MYOM1: variants seen among roughly 807,000 people sequenced by gnomAD.
MYOM1 encodes the protein myomesin-1.
Under a neutral mutation model 205.3 loss-of-function variants are expected in MYOM1, and 164 were observed. The observed-to-expected ratio is 0.80, with a 90% CI of 0.70 to 0.91. The LOEUF (loss-of-function observed/expected upper bound fraction) is 0.91, where lower values mean the gene tolerates loss of function less well. Ranked by LOEUF, MYOM1 falls within the 40% of genes least tolerant of loss-of-function variation. The pLI is 0.00. For missense variants in MYOM1, 2,011 were observed against 2,127.3 expected, an observed-to-expected ratio of 0.95 and a Z score of 1.08; for synonymous variants, 772 against 789.4, an observed-to-expected ratio of 0.98 and a Z score of 0.37.
intron 3 of MYOM1, among the ~76,000 whole-genome samples, chr18:3,193,361 T>TACATATATATATATACACACACAC (rs1598758731): frequency 3.4e-4 from 46 of 135,900 alleles, no homozygotes; most frequent in African/African-American, 1.3e-3. Flanking sequence ...TATATATATA[T>TACATATATATATATACACACACAC]ACACACACAC....
intron 33 of MYOM1, among the ~76,000 whole-genome samples, chr18:3,081,321 T>G (rs1041478950): frequency 3.9e-5 from 6 of 152,176 alleles, no homozygotes; most frequent in African/African-American, 1.4e-4. Flanking sequence ...GAAAATTAAA[T>G]GACCTGTCTA....
intron 19 of MYOM1, among the ~76,000 whole-genome samples, chr18:3,126,175 G>T (rs1180712228): frequency 6.7e-6 from 1 of 148,892 alleles, no homozygotes; most frequent in Non-Finnish European, 1.5e-5. Flanking sequence ...TGAGGCAGGA[G>T]AATCACTTTA....
At chr18:3,239,756 CAAAAAAAAAAAAAAAA>C in the MYOM1 span, among the ~76,000 whole-genome samples, 1 of 42,180 alleles carries the variant, frequency 2.4e-5, no homozygotes, top group African/African-American at 8.4e-5. Context: ...CACCTTGTCT[CAAAAAAAAAAAAAAAA>C]AAAAAAAAAA....
intron 25 of MYOM1, among the ~76,000 whole-genome samples, chr18:3,096,381 T>A (rs550462459): frequency 2.3e-4 from 35 of 152,308 alleles, no homozygotes; most frequent in Admixed American, 1.8e-3. Flanking sequence ...AAATGCTCTA[T>A]TAATGTTGGC....
chr18:3,113,037 A>G (rs1381631256), intron 21 of MYOM1, among the ~76,000 whole-genome samples: 1 of 152,164 alleles, frequency 6.6e-6, no homozygotes, highest in Non-Finnish European at 1.5e-5. Context: ...AGTGTATTAA[A>G]ATTCTAAATC....
chr18:3,179,343 A>C lies in MYOM1; in HGVS notation c.930-3209T>G, dbSNP rs189605755. The stretch of plus-strand genomic sequence containing the variant: ...CAGAGTTCTGACAAGCATATATGTC[A>C]TGATATGGATGATTTTATTTTAAAT... On this transcript the variant is annotated intron_variant, in intron 5 of 37. Transcript: ENST00000356443. The surrounding 1 kb of genome is among the most constrained non-coding windows in gnomAD (Gnocchi z 4.4). Among the ~76,000 whole-genome samples, 3 of 152,234 alleles carry C rather than the reference A, an allele frequency of 2.0e-5. No individual in the cohort carries two copies. In the East Asian group the frequency reaches 5.8e-4, roughly 29 times the overall value.
At chr18:3,221,485 T>G (rs992773089), upstream of MYOM1, among the ~76,000 whole-genome samples, 2 of 152,174 alleles carry the variant, frequency 1.3e-5, no homozygotes, top group African/African-American at 4.8e-5. Context: ...AGGTACAGCT[T>G]CATTACCCCG....
At chr18:3,086,208 T>C (rs1466839549) in intron 29 of MYOM1, 57 bp from the exon 30 acceptor site, 11 of 1,082,088 alleles carry the variant, frequency 1.0e-5, no homozygotes, top group Admixed American at 9.0e-5. Flanking sequence ...TCTTGTGAAG[T>C]TGAATAGTTC....
intron 14 of MYOM1, among the ~76,000 whole-genome samples, chr18:3,141,120 C>A (rs976266126): frequency 6.6e-6 from 1 of 152,178 alleles, no homozygotes; most frequent in Non-Finnish European, 1.5e-5. Context: ...TTCTTACCCC[C>A]ACTAAGACCT....
intron 36 of MYOM1, among the ~76,000 whole-genome samples, chr18:3,074,386 T>A (rs1372438139): frequency 2.0e-5 from 3 of 152,204 alleles, no homozygotes; most frequent in Non-Finnish European, 2.9e-5. Context: ...TGGGGAAGGA[T>A]GACTTCCCTT....
chr18:3,180,309 C>T (rs1053461523), intron 5 of MYOM1, among the ~76,000 whole-genome samples: 2 of 152,168 alleles, frequency 1.3e-5, no homozygotes, highest in East Asian at 1.9e-4. Flanking sequence ...ACACACACCA[C>T]ACATCACTTT....
the MYOM1 span, among the ~76,000 whole-genome samples, chr18:3,233,627 ACT>A: frequency 8.5e-5 from 13 of 152,156 alleles, no homozygotes; most frequent in East Asian, 2.1e-3. Context: ...CTGAATCAAC[ACT>A]CTGTGAGGTA....
At position 3,179,636 on chromosome 18, in the gene MYOM1, C is replaced by T. The variant is rs1307647123; in HGVS notation, c.930-3502G>A. ...ATGCAGTGCTATTTCCTGCCAGCAG[C>T]TTCAGACAGCTGTCTCAACATGGCT... is the stretch of plus-strand genomic sequence containing the variant. On this transcript the variant is annotated intron_variant, in intron 5 of 37. Coordinates refer to ENST00000356443, the MANE Select transcript of MYOM1 (RefSeq NM_003803.4). This position sits in a 1 kb window ranked among gnomAD's most constrained non-coding sequence, Gnocchi z 4.4. 1.3e-5 allele frequency among the ~76,000 whole-genome samples: 2 copies of T among 152,184 alleles called. No individual in the cohort carries two copies. The highest frequency in any genetic ancestry group is 1.3e-4 in the Admixed American group (2 of 15,276).
chr18:3,191,250 T>C (rs2080900459), intron 3 of MYOM1, among the ~76,000 whole-genome samples: 1 of 152,212 alleles, frequency 6.6e-6, no homozygotes, highest in South Asian at 2.1e-4. Context: ...ACTCGATTTA[T>C]TGGAATATAA....
At chr18:3,096,692 G>C (rs1355937929) in intron 25 of MYOM1, among the ~76,000 whole-genome samples, 3 of 152,202 alleles carry the variant, frequency 2.0e-5, no homozygotes, top group Middle Eastern at 3.4e-3. Flanking sequence ...ATACGTGCTT[G>C]TGCTTGCCTC....
upstream of MYOM1, among the ~76,000 whole-genome samples, chr18:3,224,423 C>A (rs2081343878): frequency 6.6e-6 from 1 of 152,156 alleles, no homozygotes; most frequent in South Asian, 2.1e-4. Flanking sequence ...CTGGGAGGGG[C>A]CCCTGTGAGC....
chr18:3,116,547 C>A, intron 20 of MYOM1, 32 bp from the exon 21 acceptor site: 4 of 1,489,124 alleles, frequency 2.7e-6, no homozygotes, highest in South Asian at 1.5e-5. Context: ...GAGTAGAAAT[C>A]ATAACAGAGA....
chr18:3,124,570 C>T (rs1567918975), intron 19 of MYOM1, among the ~76,000 whole-genome samples: 1 of 151,886 alleles, frequency 6.6e-6, no homozygotes, highest in Non-Finnish European at 1.5e-5. Context: ...ACCTCATGAT[C>T]CACCTGCCTC....
At chr18:3,245,565 C>T in the MYOM1 span, among the ~76,000 whole-genome samples, 1 of 150,602 alleles carries the variant, frequency 6.6e-6, no homozygotes, top group Non-Finnish European at 1.5e-5. Flanking sequence ...AACATTTTAT[C>T]GAGATGCTAT....
Sources: gnomAD v4.1 joint callset for allele counts (sites outside exome capture counted in the v4.1 genomes callset) on GRCh38, gnomAD v4.1.1 for gene constraint, Gnocchi (gnomAD v3.1) non-coding constraint, MANE v1.5 for transcripts, NCBI Gene and HGNC (gene_info 2026-07-23, HGNC 2026-07-21) for gene names.